SNTG1: variants seen among roughly 807,000 people sequenced by gnomAD.
The protein encoded by SNTG1 is syntrophin gamma 1.
A neutral mutation model predicts 74.7 loss-of-function variants in SNTG1; 39 were observed. The ratio of observed to expected loss-of-function variants is 0.52; its 90% CI spans 0.40 to 0.68. The LOEUF is 0.68. SNTG1 is among the 30% of genes least tolerant of loss of function. The probability of loss-of-function intolerance (pLI) is 0.00; values close to 1 mark genes in which losing one functional copy is unlikely to be tolerated. For missense variants in SNTG1, 685 were observed against 609.5 expected (o/e 1.12, Z -1.30); for synonymous variants, 254 against 217.1 (o/e 1.17, Z -1.49).
At chr8:50,474,745 A>T (rs1371698587) in intron 8 of SNTG1, among the ~76,000 whole-genome samples, 3 of 152,170 alleles carry the variant, frequency 2.0e-5, no homozygotes, top group Non-Finnish European at 4.4e-5. Context: ...CCAAAAGATT[A>T]TAAATCATGC....
At chr8:50,172,279 A>C (rs923477412) in intron 1 of SNTG1, among the ~76,000 whole-genome samples, 1 of 152,134 alleles carries the variant, frequency 6.6e-6, no homozygotes, top group Non-Finnish European at 1.5e-5. Flanking sequence ...ATCCTCTGGT[A>C]CTCCTTTTGA....
intron 18 of SNTG1, chr8:50,762,600 C>T (rs2095602124): frequency 7.6e-6 from 3 of 395,878 alleles, no homozygotes; most frequent in Non-Finnish European, 1.5e-5. Flanking sequence ...TCCAAATACA[C>T]CATCAGTGTA....
intron 1 of SNTG1, among the ~76,000 whole-genome samples, chr8:50,146,324 CCTGA>C (rs1221586254): frequency 6.6e-6 from 1 of 152,096 alleles, no homozygotes; most frequent in African/African-American, 2.4e-5. Context: ...TCGCGACCAG[CCTGA>C]CTAACATGGT....
chr8:50,590,358 G>T (rs2094683621), intron 12 of SNTG1, among the ~76,000 whole-genome samples: 1 of 151,996 alleles, frequency 6.6e-6, no homozygotes. Flanking sequence ...TGCTTTCTCT[G>T]GAGACCTACT....
chr8:50,725,016 A>T (rs1461546832), intron 17 of SNTG1, among the ~76,000 whole-genome samples: 1 of 152,192 alleles, frequency 6.6e-6, no homozygotes, highest in Admixed American at 6.5e-5. Flanking sequence ...ACTAATGGAG[A>T]CAAATAAATA....
At chr8:50,220,231 A>G (rs1456986733) in intron 2 of SNTG1, among the ~76,000 whole-genome samples, 4 of 152,138 alleles carry the variant, frequency 2.6e-5, no homozygotes, top group African/African-American at 4.8e-5. Flanking sequence ...GGTAATTTCA[A>G]TGCAGCTGTC....
At chr8:50,072,883 AC>A (rs1012798289) in intron 1 of SNTG1, among the ~76,000 whole-genome samples, 58 of 152,354 alleles carry the variant, frequency 3.8e-4, no homozygotes, top group African/African-American at 1.3e-3. Flanking sequence ...ATGTCTAAAA[AC>A]AATGTACATA....
intron 2 of SNTG1, among the ~76,000 whole-genome samples, chr8:50,237,114 T>C (rs10957841): frequency 0.96 from 146,398 of 152,212 alleles, 70,672 homozygotes; most frequent in East Asian, 1. Context: ...CATTAAATCT[T>C]TTTTTCCTCA....
chr8:50,313,614 A>G (rs959827081), intron 2 of SNTG1, among the ~76,000 whole-genome samples: 1 of 150,080 alleles, frequency 6.7e-6, no homozygotes, highest in African/African-American at 2.5e-5. Flanking sequence ...GCTATACCTC[A>G]CACAAGTTAA....
At chr8:50,226,144 A>G (rs1296205315) in intron 2 of SNTG1, among the ~76,000 whole-genome samples, 1 of 152,142 alleles carries the variant, frequency 6.6e-6, no homozygotes, top group Non-Finnish European at 1.5e-5. Flanking sequence ...ATTTTATGCA[A>G]ATGTTATATA....
chr8:50,065,447 A>G (rs1156749251), intron 1 of SNTG1, among the ~76,000 whole-genome samples: 1 of 152,208 alleles, frequency 6.6e-6, no homozygotes, highest in East Asian at 1.9e-4. Context: ...TTTCAAATCC[A>G]ATTTAGTGAT....
intron 1 of SNTG1, among the ~76,000 whole-genome samples, chr8:50,149,105 T>C (rs1056075030): frequency 1.3e-5 from 2 of 152,222 alleles, no homozygotes; most frequent in Non-Finnish European, 2.9e-5. Context: ...TGGTGTGAGA[T>C]GGTATCTCAT....
chr8:50,082,349 G>A (rs1822487593), intron 1 of SNTG1, among the ~76,000 whole-genome samples: 1 of 152,100 alleles, frequency 6.6e-6, no homozygotes. Context: ...ACAATAATGA[G>A]CATTTTGATA....
At chr8:50,608,904 A>G (rs1038004117) in intron 13 of SNTG1, among the ~76,000 whole-genome samples, 1 of 151,984 alleles carries the variant, frequency 6.6e-6, no homozygotes, top group South Asian at 2.1e-4. Context: ...GGAATCACAT[A>G]TGCATCTTTA....
In SNTG1 at chr8:50,235,740, T is replaced by C. The variant is rs536056775; in HGVS notation, c.-28+63105T>C. Among the ~76,000 whole-genome samples, 14 of 152,292 alleles carry C rather than the reference T, an allele frequency of 9.2e-5. 1 individual carries two copies. The highest frequency in any genetic ancestry group is 3.1e-4 in the African/African-American group (13 of 41,574). The stretch of plus-strand genomic sequence containing the variant: ...AAAAACAATTATGATTCTCTTCTTT[T>C]TACTTTGTAGGTGTTCTTTCCCTAA... On this transcript the variant is annotated intron_variant, in intron 2 of 18. Transcript: ENST00000642720.
intron 12 of SNTG1, among the ~76,000 whole-genome samples, chr8:50,577,673 C>G (rs534137567): frequency 1.3e-5 from 2 of 152,110 alleles, no homozygotes; most frequent in Admixed American, 6.5e-5. Context: ...TATATGTTGG[C>G]AAAGCAAGAA....
intron 1 of SNTG1, among the ~76,000 whole-genome samples, chr8:50,104,183 T>A (rs1278651954): frequency 6.6e-6 from 1 of 152,200 alleles, no homozygotes; most frequent in East Asian, 1.9e-4. Context: ...TGTGAATCCA[T>A]CTGGTCTTGG....
intron 2 of SNTG1, among the ~76,000 whole-genome samples, chr8:50,277,550 C>A (rs190791858): frequency 6.6e-6 from 1 of 151,926 alleles, no homozygotes; most frequent in Non-Finnish European, 1.5e-5. Flanking sequence ...TACTATTTGG[C>A]TGATAGTTGT....
intron 13 of SNTG1, among the ~76,000 whole-genome samples, chr8:50,632,283 A>T (rs1198078886): frequency 7.4e-6 from 1 of 134,760 alleles, no homozygotes; most frequent in Non-Finnish European, 1.5e-5. Context: ...TAGTCTTTTT[A>T]ATTTTATTTA....
Sources: gnomAD v4.1 joint callset for allele counts (sites outside exome capture counted in the v4.1 genomes callset) on GRCh38, gnomAD v4.1.1 for gene constraint, MANE v1.5 for transcripts, NCBI Gene and HGNC (gene_info 2026-07-23, HGNC 2026-07-21) for gene names.